Variants in CCNY observed in about 807,000 individuals in gnomAD.
CCNY encodes cyclin-Y.
CCNY carries 19 observed loss-of-function variants against 42.8 expected under a neutral mutation model. The ratio of observed to expected loss-of-function variants is 0.44; its 90% CI spans 0.31 to 0.65. CCNY has a LOEUF of 0.65. CCNY is among the 30% of genes least tolerant of loss of function. The pLI is 0.07. For missense variants in CCNY, 370 were observed against 437.3 expected (o/e 0.85, Z 1.37); for synonymous variants, 165 against 162.7 (o/e 1.01, Z -0.11).
In CCNY at chr10:35,274,976, A is replaced by G. The variant is rs1589011833; in HGVS notation, c.-9+24350A>G. Among the ~76,000 whole-genome samples the G allele has an allele frequency of 2.0e-5, 3 of 151,764 alleles. No individual in the cohort carries two copies. In the East Asian group the frequency reaches 5.8e-4, roughly 29 times the overall value. ...CTGGTGGAAGAAATGGGGATATGAC[A>G]GAGACCACTAGCCATTCATTCTTTA... is the stretch of plus-strand genomic sequence containing the variant. On this transcript the variant is annotated intron_variant, in intron 3 of 11. Transcript: ENST00000374706.
intron 1 of CCNY, among the ~76,000 whole-genome samples, chr10:35,410,201 C>T (rs529836198): frequency 1.3e-5 from 2 of 152,042 alleles, no homozygotes; most frequent in South Asian, 4.1e-4. Flanking sequence ...GAGCCTTACA[C>T]AAATGCTAAA....
At chr10:35,363,422 C>T (rs528104712) in intron 1 of CCNY, among the ~76,000 whole-genome samples, 4 of 148,682 alleles carry the variant, frequency 2.7e-5, no homozygotes, top group East Asian at 4.0e-4. Flanking sequence ...TCTTCCCAGA[C>T]GGTGGGGCTG....
chr10:35,351,219 G>A (rs954189057), intron 1 of CCNY, among the ~76,000 whole-genome samples: 1 of 152,244 alleles, frequency 6.6e-6, no homozygotes, highest in African/African-American at 2.4e-5. Flanking sequence ...ATGTCAGTGT[G>A]TGCACAACCA....
At chr10:35,478,526 C>G (rs1246798484) in intron 1 of CCNY, among the ~76,000 whole-genome samples, 5 of 152,138 alleles carry the variant, frequency 3.3e-5, no homozygotes, top group Non-Finnish European at 7.3e-5. Context: ...CTGAGAAAAA[C>G]CAGCTATGGG....
chr10:35,466,344 A>T (rs1001175394), intron 1 of CCNY, among the ~76,000 whole-genome samples: 23 of 152,280 alleles, frequency 1.5e-4, no homozygotes, highest in Admixed American at 1.5e-3. Context: ...GGCCTGGTCA[A>T]GCCTGGGAAA....
chr10:35,520,991 C>T (rs1398280305), intron 4 of CCNY, among the ~76,000 whole-genome samples: 3 of 152,142 alleles, frequency 2.0e-5, no homozygotes, highest in African/African-American at 4.8e-5. Flanking sequence ...AGCTAATGCC[C>T]GTCACAGCCC....
At chr10:35,320,853 T>C (rs1230571885) in intron 3 of CCNY, 2 of 151,940 alleles carry the variant, frequency 1.3e-5, no homozygotes, top group Non-Finnish European at 2.9e-5. Flanking sequence ...TCAAAAACAA[T>C]ACCTCTGGCT....
At chr10:35,337,512 C>G (rs529271282) in intron 1 of CCNY, among the ~76,000 whole-genome samples, 21 of 152,050 alleles carry the variant, frequency 1.4e-4, no homozygotes, top group Admixed American at 7.2e-4. Flanking sequence ...CTTAATGGAG[C>G]GGCCAGAGCT....
At chr10:35,361,364 A>G (rs899718861) in intron 1 of CCNY, among the ~76,000 whole-genome samples, 1 of 152,238 alleles carries the variant, frequency 6.6e-6, no homozygotes, top group Non-Finnish European at 1.5e-5. Flanking sequence ...ACCACAGGTA[A>G]TACAAGGTAC....
At chr10:35,272,852 C>T (rs1479895787) in intron 3 of CCNY, among the ~76,000 whole-genome samples, 1 of 151,866 alleles carries the variant, frequency 6.6e-6, no homozygotes, top group African/African-American at 2.4e-5. Flanking sequence ...CCAGTATTTT[C>T]CACAATGGTT....
At chr10:35,275,076 T>C (rs1294644213) in intron 3 of CCNY, among the ~76,000 whole-genome samples, 1 of 142,850 alleles carries the variant, frequency 7.0e-6, no homozygotes, top group African/African-American at 2.6e-5. Flanking sequence ...TTTTTTTTTT[T>C]TTTTTGAGAT....
chr10:35,348,724 A>G (rs945149268), intron 1 of CCNY, among the ~76,000 whole-genome samples: 1 of 152,128 alleles, frequency 6.6e-6, no homozygotes, highest in African/African-American at 2.4e-5. Flanking sequence ...TTTTATTCTT[A>G]GCGATGTTTG....
intron 7 of CCNY, among the ~76,000 whole-genome samples, chr10:35,547,356 A>G (rs1032977646): frequency 3.4e-4 from 52 of 152,278 alleles, no homozygotes; most frequent in African/African-American, 1.2e-3. Flanking sequence ...GTCACACTCA[A>G]ATGCTATTGT....
chr10:35,345,195 T>C (rs1201197035), intron 1 of CCNY, among the ~76,000 whole-genome samples: 1 of 152,176 alleles, frequency 6.6e-6, no homozygotes, highest in East Asian at 1.9e-4. Flanking sequence ...CTACCAACAG[T>C]GTAAAAATGT....
intron 3 of CCNY, among the ~76,000 whole-genome samples, chr10:35,316,995 G>A (rs543790731): frequency 5.3e-5 from 8 of 152,160 alleles, no homozygotes; most frequent in African/African-American, 1.7e-4. Flanking sequence ...ACAGGTGCCC[G>A]CCACCACGCC....
chr10:35,442,593 CTG>C (rs1322377656), intron 1 of CCNY, among the ~76,000 whole-genome samples: 4 of 152,122 alleles, frequency 2.6e-5, no homozygotes, highest in African/African-American at 9.7e-5. Flanking sequence ...TAAGGGAAAA[CTG>C]TTTGAAATAC....
intron 1 of CCNY, among the ~76,000 whole-genome samples, chr10:35,476,452 A>G (rs1162914892): frequency 1.3e-5 from 2 of 152,232 alleles, no homozygotes; most frequent in Non-Finnish European, 2.9e-5. Flanking sequence ...ACCACAGTGC[A>G]ATCAAACTAG....
chr10:35,507,100 A>G (rs1410476473), intron 3 of CCNY, among the ~76,000 whole-genome samples: 1 of 152,030 alleles, frequency 6.6e-6, no homozygotes, highest in Non-Finnish European at 1.5e-5. Context: ...CAACTCCATC[A>G]CCTTGCTCAG....
intron 3 of CCNY, among the ~76,000 whole-genome samples, chr10:35,508,154 A>C (rs1840253034): frequency 6.6e-6 from 1 of 152,150 alleles, no homozygotes; most frequent in Admixed American, 6.5e-5. Context: ...TTGGTTACAA[A>C]ATGGTGGTTT....
Sources: gnomAD v4.1 joint callset for allele counts (sites outside exome capture counted in the v4.1 genomes callset) on GRCh38, gnomAD v4.1.1 for gene constraint, MANE v1.5 for transcripts, NCBI Gene and HGNC (gene_info 2026-07-23, HGNC 2026-07-21) for gene names.